ELF1: variants seen among roughly 807,000 people sequenced by gnomAD.
ELF1 encodes the protein ETS-related transcription factor Elf-1.
In ELF1, 24 loss-of-function variants were observed where a neutral mutation model predicts 59.9. The ratio of observed to expected loss-of-function variants is 0.40; its 90% CI spans 0.29 to 0.56. ELF1 has a LOEUF of 0.56. ELF1 is among the 20% of genes least tolerant of loss of function. The pLI, the probability that ELF1 is intolerant of heterozygous loss-of-function variation, is 0.44. For missense variants in ELF1, 627 were observed against 742.2 expected (o/e 0.84, Z 1.80); for synonymous variants, 248 against 266.2 (o/e 0.93, Z 0.67).
rs138905102 is a variant in ELF1 at position 40,961,618 on chromosome 13, C to T, written c.73-2602G>A. Among the ~76,000 whole-genome samples, 7 of 152,334 alleles carry T rather than the reference C, an allele frequency of 4.6e-5. No individual in the cohort carries two copies. The East Asian group carries it at 1.2e-3, about 25-fold the overall frequency. On this transcript the variant is annotated intron_variant, in intron 2 of 8. Coordinates refer to ENST00000239882, the MANE Select transcript of ELF1 (RefSeq NM_172373.4). ...GTAACTCACATAAATACACTTCACA[C>T]ACCTTAAAGAAAAGTGTAGCTAGCC...
chr13:40,947,255 C>T (rs937778900), intron 5 of ELF1, among the ~76,000 whole-genome samples: 1 of 151,818 alleles, frequency 6.6e-6, no homozygotes, highest in Non-Finnish European at 1.5e-5. Flanking sequence ...AAAATTTGTA[C>T]ATAAATGGCC....
At chr13:41,048,466 T>G (rs1276639266) in intron 1 of ELF1, among the ~76,000 whole-genome samples, 2 of 152,196 alleles carry the variant, frequency 1.3e-5, no homozygotes. Context: ...TCACTCAGGC[T>G]GGAGTGCAGT....
At chr13:40,987,026 C>A (rs1344924445) in intron 1 of ELF1, among the ~76,000 whole-genome samples, 2 of 149,030 alleles carry the variant, frequency 1.3e-5, no homozygotes, top group African/African-American at 4.9e-5. Flanking sequence ...AGCTCCGCCT[C>A]CCGGGTTCAC....
At chr13:41,022,094 C>T (rs1875712718), upstream of ELF1, among the ~76,000 whole-genome samples, 1 of 152,210 alleles carries the variant, frequency 6.6e-6, no homozygotes, top group Admixed American at 6.5e-5. Context: ...TATTTTAAAA[C>T]TTCTATGCAA....
intron 5 of ELF1, among the ~76,000 whole-genome samples, chr13:40,948,288 G>C (rs1870626425): frequency 6.6e-6 from 1 of 152,202 alleles, no homozygotes; most frequent in African/African-American, 2.4e-5. Flanking sequence ...TGGCTGAATG[G>C]GACCCAAGCT....
intron 1 of ELF1, among the ~76,000 whole-genome samples, chr13:41,018,396 C>T (rs777174311): frequency 5.9e-5 from 9 of 152,208 alleles, no homozygotes; most frequent in Non-Finnish European, 7.4e-5. Context: ...AACAGTAATA[C>T]AAAAGGAAGG....
chr13:41,058,527 A>G (rs1877369906), intron 1 of ELF1, among the ~76,000 whole-genome samples: 1 of 152,242 alleles, frequency 6.6e-6, no homozygotes, highest in African/African-American at 2.4e-5. Context: ...TACACGAAAG[A>G]TAAATCTGTG....
Position 40,933,216 on chromosome 13 carries a change from G to A in ELF1, c.*209C>T, listed in dbSNP as rs1383107553. On this transcript the variant is annotated 3_prime_UTR_variant, in exon 9 of 9. Coordinates refer to ENST00000239882, the MANE Select transcript of ELF1 (RefSeq NM_172373.4). The stretch of plus-strand genomic sequence containing the variant: ...AATGTCTTCATAGTGTAAAATGCCT[G>A]TTCCTTCACGATTGAATTCTGAAAC... 3.4e-6 allele frequency: 2 copies of A among 595,988 alleles called. No homozygotes were observed. Among genetic ancestry groups the A allele is most frequent in the Non-Finnish European group, 2.8e-6 (1 of 362,514 alleles). The allele number at this position is 595,988 out of a possible 1,614,324, so 36.9% of individuals were successfully genotyped here.
intron 1 of ELF1, among the ~76,000 whole-genome samples, chr13:41,010,279 GAA>G (rs199811451): frequency 0.011 from 1,463 of 128,920 alleles, 11 homozygotes; most frequent in African/African-American, 0.018. Flanking sequence ...AGAAAGAAAG[GAA>G]AAAAAAAAAA....
intron 1 of ELF1, among the ~76,000 whole-genome samples, chr13:40,988,284 G>T (rs1393211459): frequency 6.6e-6 from 1 of 152,166 alleles, no homozygotes; most frequent in Non-Finnish European, 1.5e-5. Flanking sequence ...AAAGAAAAAA[G>T]AATTTAGGCC....
intron 4 of ELF1, among the ~76,000 whole-genome samples, chr13:40,950,219 A>G (rs1245257703): frequency 6.6e-6 from 1 of 152,170 alleles, no homozygotes; most frequent in African/African-American, 2.4e-5. Context: ...TCTCCTCTTG[A>G]TTATTCACAT....
chr13:40,990,850 C>CA (rs56249931), intron 1 of ELF1, among the ~76,000 whole-genome samples: 56,958 of 105,538 alleles, frequency 0.54, 16,157 homozygotes, highest in Middle Eastern at 0.78. Flanking sequence ...GACTCTGTCT[C>CA]AAAAAAAAAA....
chr13:40,978,626 A>G (rs539640169), intron 2 of ELF1, among the ~76,000 whole-genome samples: 19 of 152,114 alleles, frequency 1.2e-4, no homozygotes, highest in Non-Finnish European at 2.6e-4. Context: ...TGTAGTGACC[A>G]TAATACTTAA....
intron 1 of ELF1, among the ~76,000 whole-genome samples, chr13:41,051,385 C>G (rs780786326): frequency 6.0e-5 from 9 of 150,878 alleles, no homozygotes; most frequent in Non-Finnish European, 1.2e-4. Context: ...ATCCCATTCT[C>G]TTTGCCTGTG....
intron 2 of ELF1, among the ~76,000 whole-genome samples, chr13:40,967,591 G>A (rs971538558): frequency 1.3e-5 from 2 of 152,060 alleles, no homozygotes; most frequent in African/African-American, 4.8e-5. Flanking sequence ...GGACAGGCAT[G>A]GTTTTGTTTT....
intron 1 of ELF1, among the ~76,000 whole-genome samples, chr13:41,012,713 T>TA (rs942001762): frequency 2.0e-5 from 3 of 151,438 alleles, no homozygotes; most frequent in South Asian, 4.2e-4. Context: ...CTGGCTAACT[T>TA]AAAAAAAAAT....
intron 2 of ELF1, among the ~76,000 whole-genome samples, chr13:40,965,783 C>G (rs1189962704): frequency 6.6e-6 from 1 of 152,190 alleles, no homozygotes; most frequent in Non-Finnish European, 1.5e-5. Flanking sequence ...AGCATCTTTT[C>G]TTTTATTTGC....
chr13:41,045,916 T>G (rs1264808816), intron 1 of ELF1, among the ~76,000 whole-genome samples: 1 of 152,136 alleles, frequency 6.6e-6, no homozygotes, highest in Non-Finnish European at 1.5e-5. Flanking sequence ...TGTGTGGGAG[T>G]CTAAGTCTCT....
chr13:41,044,028 A>T (rs1369957264), intron 1 of ELF1, among the ~76,000 whole-genome samples: 1 of 152,082 alleles, frequency 6.6e-6, no homozygotes, highest in South Asian at 2.1e-4. Context: ...CTTAAGTTGG[A>T]TTCCTAGGTA....
Sources: allele counts gnomAD v4.1 joint callset (sites outside exome capture counted in the v4.1 genomes callset), GRCh38; gene constraint gnomAD v4.1.1; transcripts MANE v1.5; gene names NCBI Gene and HGNC (gene_info 2026-07-23, HGNC 2026-07-21).